Variants in CTNND1 observed in about 807,000 individuals in gnomAD.
CTNND1 encodes the protein catenin delta 1, also known as catenin delta-1.
CTNND1 carries 16 observed loss-of-function variants against 112.1 expected under a neutral mutation model. The observed-to-expected ratio is 0.14, with a 90% CI of 0.10 to 0.22. The LOEUF (loss-of-function observed/expected upper bound fraction) is 0.22, where lower values mean the gene tolerates loss of function less well. CTNND1 is among the 10% of genes least tolerant of loss of function. The probability of loss-of-function intolerance (pLI) is 1.00; values close to 1 mark genes in which losing one functional copy is unlikely to be tolerated. For missense variants in CTNND1, 1,008 were observed against 1,257.0 expected (o/e 0.80, Z 3.00); for synonymous variants, 420 against 446.5 (o/e 0.94, Z 0.75).
At chr11:57,806,635 A>G in intron 11 of CTNND1, 157 bp downstream of exon 11, 1 of 691,006 alleles carries the variant, frequency 1.4e-6, no homozygotes, top group Non-Finnish European at 2.5e-6. Flanking sequence ...TGGAGCTAAT[A>G]GCTCACGGCA....
At chr11:57,765,767 C>T (rs1474977655) in intron 1 of CTNND1, among the ~76,000 whole-genome samples, 1 of 152,038 alleles carries the variant, frequency 6.6e-6, no homozygotes, top group East Asian at 1.9e-4. Flanking sequence ...CACACCTGGC[C>T]CTCCCTTATA....
chr11:57,789,260 C>CT, intron 2 of CTNND1, 105 bp downstream of exon 2: 1 of 747,032 alleles, frequency 1.3e-6, no homozygotes, highest in Non-Finnish European at 2.0e-6. Context: ...TTTTAAATAC[C>CT]TTTTTTCTTT....
intron 1 of CTNND1, among the ~76,000 whole-genome samples, chr11:57,785,528 G>C (rs2060029973): frequency 6.6e-6 from 1 of 152,068 alleles, no homozygotes; most frequent in South Asian, 2.1e-4. Flanking sequence ...CAGGGACTGT[G>C]CTATTGGTAG....
In CTNND1 at chr11:57,802,222, G is replaced by A. The variant is rs2062070282; in HGVS notation, c.1420+26G>A. The A allele has an allele frequency of 3.8e-6, 6 of 1,566,926 alleles. No homozygotes were observed. In the South Asian group the frequency reaches 7.1e-5, roughly 18 times the overall value. On this transcript the variant is annotated intron_variant, in intron 7 of 20. Coordinates refer to ENST00000399050, the MANE Select transcript of CTNND1 (RefSeq NM_001085458.2). Reference sequence around the variant, plus strand: ...GTGAGTTCTAGGCCTAAGGAAAATTGCTAAGTCAGTGTTACTCTCTAGTGA... The same window carrying A: ...GTGAGTTCTAGGCCTAAGGAAAATTACTAAGTCAGTGTTACTCTCTAGTGA...
At chr11:57,792,441 G>A (rs145746036) in intron 3 of CTNND1, among the ~76,000 whole-genome samples, 4 of 152,282 alleles carry the variant, frequency 2.6e-5, no homozygotes, top group East Asian at 1.9e-4. Flanking sequence ...GTGTGCGCGC[G>A]CACTCGCGCA....
At chr11:57,772,926 C>T (rs777859844) in intron 1 of CTNND1, among the ~76,000 whole-genome samples, 37 of 152,078 alleles carry the variant, frequency 2.4e-4, no homozygotes, top group African/African-American at 2.4e-5. Context: ...TGGTTACCCT[C>T]TGTTCTTTCC....
intron 1 of CTNND1, among the ~76,000 whole-genome samples, chr11:57,785,381 C>T (rs995368307): frequency 1.8e-4 from 28 of 152,174 alleles, no homozygotes; most frequent in African/African-American, 7.2e-5. Flanking sequence ...TGATACTTTG[C>T]CCAAAGTCAT....
intron 2 of CTNND1, among the ~76,000 whole-genome samples, chr11:57,789,983 CTGT>C (rs2060518349): frequency 6.6e-6 from 1 of 152,158 alleles, no homozygotes; most frequent in Non-Finnish European, 1.5e-5. Flanking sequence ...TTCTGTTACT[CTGT>C]TGTCTCCATT....
chr11:57,775,177 T>C (rs1347381766), intron 1 of CTNND1, among the ~76,000 whole-genome samples: 2 of 152,092 alleles, frequency 1.3e-5, no homozygotes, highest in East Asian at 3.9e-4. Context: ...TACATGTATA[T>C]GTTATTTCTC....
At chr11:57,770,683 G>A (rs747633876) in intron 1 of CTNND1, among the ~76,000 whole-genome samples, 1 of 151,884 alleles carries the variant, frequency 6.6e-6, no homozygotes, top group Non-Finnish European at 1.5e-5. Context: ...AAAAAGAAAA[G>A]AAAAGATTTT....
chr11:57,805,878 T>C lies in CTNND1; in HGVS notation c.1723-4T>C. ...TTTCTCATTGGCCCTTTTATGTCCC[T>C]AAGCTTGTAGAGAACTGTGTTTGCC... On this transcript the variant is annotated splice_region_variant and splice_polypyrimidine_tract_variant and intron_variant, in intron 9 of 20. Coordinates refer to ENST00000399050, the MANE Select transcript of CTNND1 (RefSeq NM_001085458.2). The C allele has an allele frequency of 1.2e-6, 2 of 1,613,404 alleles. No individual in the cohort carries two copies. The highest frequency in any genetic ancestry group is 1.7e-6 in the Non-Finnish European group (2 of 1,179,516).
At chr11:57,797,014 G>A (rs753721711) in intron 6 of CTNND1, 22 bp downstream of exon 6, 7 of 1,436,678 alleles carry the variant, frequency 4.9e-6, no homozygotes, top group Admixed American at 2.4e-5. Context: ...TAGGGGAAGA[G>A]AAAAGGGTCT....
rs1168014019 is a variant in CTNND1, at chr11:57,762,135, TA to T, written c.-214+22del. 4 of 976,216 alleles carry T rather than the reference TA, an allele frequency of 4.1e-6. No homozygotes were observed. The African/African-American group carries it at 7.0e-5, about 17-fold the overall frequency. 60.5% of individuals were successfully genotyped at this position (976,216 alleles called of 1,614,324 possible). On this transcript the variant is annotated intron_variant, in intron 1 of 20. Coordinates refer to ENST00000399050, the MANE Select transcript of CTNND1 (RefSeq NM_001085458.2). ...TTGTCTTACGGTAACCGGAGGGAAT[TA>T]AAAAACGGGAGAGTCTGTTATGCTG... is the stretch of plus-strand genomic sequence containing the variant.
chr11:57,811,357 T>G (rs1168555507), intron 16 of CTNND1, 42 bp from the exon 17 acceptor site: 3 of 1,495,648 alleles, frequency 2.0e-6, no homozygotes, highest in Non-Finnish European at 1.9e-6. Context: ...ATAGGGTGAA[T>G]TCAGTATTCT....
intron 1 of CTNND1, among the ~76,000 whole-genome samples, chr11:57,763,407 C>T (rs1200639406): frequency 1.3e-5 from 2 of 152,096 alleles, no homozygotes; most frequent in Non-Finnish European, 2.9e-5. Flanking sequence ...CTCCCCTCAC[C>T]CCCCTGCCAC....
At position 57,796,903 on chromosome 11, in the gene CTNND1, G is replaced by A. The variant is rs755190204; in HGVS notation, c.867G>A (p.Met289Ile). 1 of 1,596,660 alleles carries A rather than the reference G, an allele frequency of 6.3e-7. No homozygotes were observed. Among genetic ancestry groups the A allele is most frequent in the Non-Finnish European group, 8.6e-7 (1 of 1,168,228 alleles). The stretch of plus-strand genomic sequence containing the variant: ...GGCTAGAGGATGACCAGCGTAGTAT[G>A]GGCTATGATGACCTGGATTATGGTA... Reference protein sequence around the residue: ...PYGLEDDQRSMGYDDLDYGMM... With the variant: ...PYGLEDDQRSIGYDDLDYGMM... Residue 289 changes from methionine (M) to isoleucine (I), a missense_variant, in exon 6 of 21, where the codon ATG becomes ATA. By Grantham distance (10) the Met-to-Ile change is conservative. Coordinates refer to ENST00000399050, the MANE Select transcript of CTNND1 (RefSeq NM_001085458.2).
intron 1 of CTNND1, among the ~76,000 whole-genome samples, chr11:57,781,815 G>C (rs1423723755): frequency 6.6e-6 from 1 of 152,196 alleles, no homozygotes; most frequent in Non-Finnish European, 1.5e-5. Context: ...ATGCTCCACA[G>C]AGAAGCAGGT....
At chr11:57,793,412 C>G (rs1461573198) in intron 3 of CTNND1, among the ~76,000 whole-genome samples, 1 of 152,150 alleles carries the variant, frequency 6.6e-6, no homozygotes, top group Non-Finnish European at 1.5e-5. Context: ...TGTTTTTGTA[C>G]TTGGAAAGGG....
At chr11:57,795,539 T>G in intron 4 of CTNND1, 38 bp from the exon 5 acceptor site, 3 of 1,583,686 alleles carry the variant, frequency 1.9e-6, no homozygotes, top group Non-Finnish European at 2.6e-6. Context: ...TACATAGCAC[T>G]TAATAGTAGT....
Sources: gnomAD v4.1 joint callset for allele counts (sites outside exome capture counted in the v4.1 genomes callset) on GRCh38, gnomAD v4.1.1 for gene constraint, MANE v1.5 for transcripts, NCBI Gene and HGNC (gene_info 2026-07-23, HGNC 2026-07-21) for gene names.